The following TRAM2 variants were observed in gnomAD, a reference collection of about 807,000 sequenced individuals.
TRAM2 encodes the protein translocating chain-associated membrane protein 2.
In TRAM2, 12 loss-of-function variants were observed where a neutral mutation model predicts 51.0. The ratio of observed to expected loss-of-function variants is 0.24; its 90% CI spans 0.15 to 0.38. The LOEUF (loss-of-function observed/expected upper bound fraction) is 0.38. TRAM2 is among the 10% of genes least tolerant of loss of function. The pLI, the probability that TRAM2 is intolerant of heterozygous loss-of-function variation, is 1.00. For synonymous variants in TRAM2, 175 were observed against 179.4 expected (o/e 0.98, Z 0.20); for missense variants, 361 against 462.0 (o/e 0.78, Z 2.00).
chr6:52,536,676 C>T (rs1013727010), intron 1 of TRAM2, among the ~76,000 whole-genome samples: 8 of 152,148 alleles, frequency 5.3e-5, no homozygotes, highest in Non-Finnish European at 1.0e-4. Flanking sequence ...CTTGTAATAC[C>T]TCAGCTAGTT....
chr6:52,553,090 C>A (rs866536412), intron 1 of TRAM2, among the ~76,000 whole-genome samples: 1 of 152,146 alleles, frequency 6.6e-6, no homozygotes. Flanking sequence ...CATATACACA[C>A]AAACATACAC....
At chr6:52,542,461 C>T (rs1390975244) in intron 1 of TRAM2, among the ~76,000 whole-genome samples, 1 of 152,046 alleles carries the variant, frequency 6.6e-6, no homozygotes, top group Non-Finnish European at 1.5e-5. Context: ...TGAAAATCTC[C>T]GTTTTGAAGG....
At chr6:52,531,545 A>G (rs1262848032) in intron 2 of TRAM2, among the ~76,000 whole-genome samples, 1 of 152,214 alleles carries the variant, frequency 6.6e-6, no homozygotes, top group Non-Finnish European at 1.5e-5. Context: ...GCAGAATTCA[A>G]TAGTGCCACC....
intron 1 of TRAM2, among the ~76,000 whole-genome samples, chr6:52,553,978 C>T (rs1316980246): frequency 4.6e-5 from 7 of 152,162 alleles, no homozygotes; most frequent in Non-Finnish European, 1.5e-5. Flanking sequence ...TGATAAGCCA[C>T]CAGCAGCAAC....
intron 1 of TRAM2, among the ~76,000 whole-genome samples, chr6:52,549,225 T>TTTCCTTCCC (rs1212664249): frequency 1.3e-5 from 2 of 151,120 alleles, no homozygotes; most frequent in African/African-American, 4.9e-5. Flanking sequence ...CCCTTAAAGC[T>TTTCCTTCCC]TTCCTTCCCT....
intron 10 of TRAM2, 35 bp downstream of exon 10, chr6:52,504,556 T>G: frequency 6.2e-7 from 1 of 1,612,650 alleles, no homozygotes; most frequent in Non-Finnish European, 8.5e-7. Context: ...CAGACTTCCC[T>G]GGCTCCACTC....
intron 4 of TRAM2, among the ~76,000 whole-genome samples, chr6:52,512,125 A>G (rs957018128): frequency 4.6e-5 from 7 of 152,214 alleles, no homozygotes; most frequent in African/African-American, 1.4e-4. Flanking sequence ...GGAAGCAGGA[A>G]TGTACTTAGC....
intron 1 of TRAM2, among the ~76,000 whole-genome samples, chr6:52,571,100 A>T (rs565091098): frequency 1.3e-5 from 2 of 152,158 alleles, no homozygotes; most frequent in South Asian, 4.2e-4. Flanking sequence ...ACCATTAGGT[A>T]CCAATGGATA....
At chr6:52,503,346 G>A (rs1186054273) in intron 10 of TRAM2, 76 bp from the exon 11 acceptor site, 11 of 1,381,786 alleles carry the variant, frequency 8.0e-6, no homozygotes, top group Non-Finnish European at 1.1e-5. Flanking sequence ...GTGGGGCCAG[G>A]CCAAGGAAGG....
intron 1 of TRAM2, among the ~76,000 whole-genome samples, chr6:52,574,232 C>G (rs1304865956): frequency 6.6e-6 from 1 of 152,016 alleles, no homozygotes; most frequent in African/African-American, 2.4e-5. Context: ...AGGCGTCTCC[C>G]CAGGCTTTAC....
chr6:52,528,878 G>A (rs1281204459), intron 2 of TRAM2, among the ~76,000 whole-genome samples: 3 of 147,182 alleles, frequency 2.0e-5, no homozygotes, highest in Non-Finnish European at 4.5e-5. Context: ...TTACAAACGT[G>A]TACATGACTT....
intron 2 of TRAM2, among the ~76,000 whole-genome samples, chr6:52,532,920 T>C (rs768327781): frequency 2.0e-5 from 3 of 152,220 alleles, no homozygotes; most frequent in Non-Finnish European, 4.4e-5. Context: ...TGTTATAATT[T>C]TTCTCTAAGA....
rs189212079 is a variant in TRAM2 at position 52,526,733 on chromosome 6, C to T, written c.184+9050G>A. On this transcript the variant is annotated intron_variant, in intron 2 of 10. Transcript: ENST00000182527. Reference sequence around the variant, plus strand: ...ACCATTCCTTTTTATAAAGCTGTAACCCTCCCTGTAGCTTTCCAGAAAGAA... The same window carrying T: ...ACCATTCCTTTTTATAAAGCTGTAATCCTCCCTGTAGCTTTCCAGAAAGAA... 4.1e-3 allele frequency among the ~76,000 whole-genome samples: 627 copies of T among 152,260 alleles called. 2 individuals carry two copies. The highest frequency in any genetic ancestry group is 0.02 in the South Asian group (98 of 4,818).
chr6:52,555,685 C>G (rs1206155327), intron 1 of TRAM2, among the ~76,000 whole-genome samples: 1 of 152,186 alleles, frequency 6.6e-6, no homozygotes, highest in Non-Finnish European at 1.5e-5. Context: ...TTAAATTGAT[C>G]TAACCAATCC....
chr6:52,535,150 A>G (rs989160909), intron 2 of TRAM2, among the ~76,000 whole-genome samples: 2 of 152,232 alleles, frequency 1.3e-5, no homozygotes, highest in Non-Finnish European at 2.9e-5. Context: ...GTTAAAAGGA[A>G]GCCATGCTCT....
chr6:52,577,056 A>T lies in TRAM2; in HGVS notation c.-141T>A. On this transcript the variant is annotated 5_prime_UTR_variant, in exon 1 of 11. The change creates a new upstream start codon in the 5' untranslated region. Transcript: ENST00000182527. Reference sequence around the variant, plus strand: ...CCGCTCGCCCGCCCAGCGCGGAACAACTTCGGGGCCCGCCCCCTTCCTCCG... The same window carrying T: ...CCGCTCGCCCGCCCAGCGCGGAACATCTTCGGGGCCCGCCCCCTTCCTCCG... 1.0e-6 allele frequency: 1 copy of T among 969,858 alleles called. No individual in the cohort carries two copies. The highest frequency in any genetic ancestry group is 1.3e-6 in the Non-Finnish European group (1 of 779,618). The allele number at this position is 969,858 out of a possible 1,614,324, so 60.1% of individuals were successfully genotyped here.
At chr6:52,533,219 T>C (rs1433571429) in intron 2 of TRAM2, among the ~76,000 whole-genome samples, 1 of 152,222 alleles carries the variant, frequency 6.6e-6, no homozygotes, top group Non-Finnish European at 1.5e-5. Context: ...GCCACTAAGT[T>C]ACACACTTAC....
intron 2 of TRAM2, among the ~76,000 whole-genome samples, chr6:52,527,738 G>T (rs1212775936): frequency 1.3e-5 from 2 of 152,220 alleles, no homozygotes; most frequent in East Asian, 3.8e-4. Context: ...CTACGACAGG[G>T]AATTGCATAA....
intron 1 of TRAM2, among the ~76,000 whole-genome samples, chr6:52,537,343 G>C (rs1192922329): frequency 1.3e-5 from 2 of 152,092 alleles, no homozygotes; most frequent in African/African-American, 4.8e-5. Flanking sequence ...CAGTGTTCTC[G>C]ACCTACCTTC....
Sources: gnomAD v4.1 joint callset for allele counts (sites outside exome capture counted in the v4.1 genomes callset) on GRCh38, gnomAD v4.1.1 for gene constraint, MANE v1.5 for transcripts, NCBI Gene and HGNC (gene_info 2026-07-23, HGNC 2026-07-21) for gene names.